The following TPRG1 variants were observed in gnomAD, a reference collection of about 807,000 sequenced individuals.
TPRG1 encodes the protein tumor protein p63 regulated 1.
In TPRG1, 29 loss-of-function variants were observed where a neutral mutation model predicts 29.3. That is an observed-to-expected ratio of 0.99 (90% CI 0.74 to 1.35). The LOEUF (loss-of-function observed/expected upper bound fraction) is 1.35. Ranked by LOEUF, TPRG1 falls within the 40% of genes most tolerant of loss-of-function variation. TPRG1 has a pLI of 0.00. For missense variants in TPRG1, 327 were observed against 335.0 expected (o/e 0.98, Z 0.19); for synonymous variants, 130 against 116.8 (o/e 1.11, Z -0.73).
intron 3 of TPRG1, among the ~76,000 whole-genome samples, chr3:189,133,365 T>C (rs1723327734): frequency 6.6e-6 from 1 of 152,172 alleles, no homozygotes; most frequent in South Asian, 2.1e-4. Flanking sequence ...AGAAGCCTCT[T>C]GCCACAGTTC....
chr3:189,191,208 A>T (rs1048524775), intron 1 of TPRG1, among the ~76,000 whole-genome samples: 1 of 152,194 alleles, frequency 6.6e-6, no homozygotes, highest in Non-Finnish European at 1.5e-5. Flanking sequence ...ATAAAGAGCT[A>T]TTTGTGACAG....
At chr3:189,136,228 G>T (rs1157054146) in intron 3 of TPRG1, among the ~76,000 whole-genome samples, 3 of 152,146 alleles carry the variant, frequency 2.0e-5, no homozygotes, top group Non-Finnish European at 4.4e-5. Context: ...GATTCCCTGT[G>T]TCCTGGTGGA....
rs1337462478 is a variant in TPRG1, at chr3:189,272,693, TTC to T, written c.479+33788_479+33789del. On this transcript the variant is annotated intron_variant, in intron 4 of 5. Coordinates refer to ENST00000345063, the MANE Select transcript of TPRG1 (RefSeq NM_198485.4). ...TCCTTCCTTTCTTTCCTTTCTTTCT[TTC>T]TCTTTCTTTCTTTCTTTCTCCTTCC... Among the ~76,000 whole-genome samples the T allele has an allele frequency of 6.1e-3, 852 of 138,672 alleles. 15 individuals are homozygous for T. The highest frequency in any genetic ancestry group is 0.021 in the African/African-American group (736 of 34,280). 91.0% of individuals were successfully genotyped at this position (138,672 alleles called of 152,430 possible). A position where few individuals can be genotyped will look rare whatever the true frequency, so the allele number is the denominator to read the frequency against.
chr3:189,096,922 A>C (rs917974221), upstream of TPRG1, among the ~76,000 whole-genome samples: 1 of 152,158 alleles, frequency 6.6e-6, no homozygotes, highest in Admixed American at 6.5e-5. Context: ...TTGCTACCAC[A>C]TCAAAACTTA....
chr3:189,242,415 A>AT (rs1282716707), intron 4 of TPRG1, among the ~76,000 whole-genome samples: 2 of 151,964 alleles, frequency 1.3e-5, no homozygotes, highest in African/African-American at 4.8e-5. Context: ...TGAAAGTCTT[A>AT]TTTTTATTAA....
chr3:189,124,500 C>A (rs745809466), intron 1 of TPRG1, among the ~76,000 whole-genome samples: 1 of 151,594 alleles, frequency 6.6e-6, no homozygotes. Flanking sequence ...TTTTGTTTCA[C>A]GTATACATAT....
At chr3:189,035,021 T>TA (rs1327038113) in intron 4 of TPRG1, among the ~76,000 whole-genome samples, 3 of 152,054 alleles carry the variant, frequency 2.0e-5, no homozygotes, top group African/African-American at 4.8e-5. Flanking sequence ...GGTATCAAAC[T>TA]AAAAAACTTC....
intron 5 of TPRG1, among the ~76,000 whole-genome samples, chr3:189,166,331 G>C (rs1409829015): frequency 6.6e-6 from 1 of 152,208 alleles, no homozygotes; most frequent in Non-Finnish European, 1.5e-5. Context: ...TTAGGTTCTA[G>C]AGTGTAATCT....
intron 4 of TPRG1, among the ~76,000 whole-genome samples, chr3:189,148,162 C>T (rs1012016995): frequency 6.6e-6 from 1 of 152,288 alleles, no homozygotes; most frequent in African/African-American, 2.4e-5. Context: ...TTTCTGCTCC[C>T]TCCTGATTGG....
intron 4 of TPRG1, among the ~76,000 whole-genome samples, chr3:189,280,415 A>G (rs1443404881): frequency 6.6e-6 from 1 of 152,214 alleles, no homozygotes; most frequent in African/African-American, 2.4e-5. Flanking sequence ...TATGAGTGTC[A>G]TGAATGAGAG....
chr3:189,164,616 AAT>A (rs1433516031), intron 5 of TPRG1, among the ~76,000 whole-genome samples: 1 of 129,786 alleles, frequency 7.7e-6, no homozygotes, highest in Non-Finnish European at 1.6e-5. Flanking sequence ...TAAAAAAAAA[AAT>A]AAAAGCTTCC....
At chr3:189,218,070 C>A (rs950468561) in intron 3 of TPRG1, 68 of 979,122 alleles carry the variant, frequency 6.9e-5, no homozygotes, top group African/African-American at 8.8e-5. Context: ...ATTATAGGAG[C>A]TGTAATATGG....
Position 189,321,088 on chromosome 3 carries a change from A to G in TPRG1, c.*268A>G, listed in dbSNP as rs192615424. The stretch of plus-strand genomic sequence containing the variant: ...AATACTGTTATCAAATGAGTGCCTG[A>G]TCATCAACTCAGGAAAGAAGACTCT... On this transcript the variant is annotated 3_prime_UTR_variant, in exon 6 of 6. Coordinates refer to ENST00000345063, the MANE Select transcript of TPRG1 (RefSeq NM_198485.4). 5 of 268,366 alleles carry G rather than the reference A, an allele frequency of 1.9e-5. No individual in the cohort carries two copies. The highest frequency in any genetic ancestry group is 1.6e-4 in the Admixed American group (3 of 18,792). 16.6% of individuals were successfully genotyped at this position (268,366 alleles called of 1,614,324 possible).
intron 1 of TPRG1, among the ~76,000 whole-genome samples, chr3:189,104,667 T>G (rs1488813307): frequency 1.3e-5 from 2 of 151,922 alleles, no homozygotes; most frequent in African/African-American, 4.8e-5. Flanking sequence ...ACTAGATCAA[T>G]GTCTACTGTT....
chr3:189,225,269 G>A (rs753289101), intron 3 of TPRG1, among the ~76,000 whole-genome samples: 1 of 152,202 alleles, frequency 6.6e-6, no homozygotes, highest in Non-Finnish European at 1.5e-5. Flanking sequence ...TCACCTTGGT[G>A]TCTTGAAATC....
chr3:189,238,759 A>G lies in TPRG1; in HGVS notation c.329A>G (p.Glu110Gly), dbSNP rs767740822. The G allele has an allele frequency of 6.2e-7, 1 of 1,613,020 alleles. No individual in the cohort carries two copies. The highest frequency in any genetic ancestry group is 1.7e-5 in the Admixed American group (1 of 59,906). ...TKIDHWNNEK[E>G]RILLVTDKTL... ...ATAGACCACTGGAACAATGAGAAGGAGAGAATTCTACTGGTCACAGACAAG... is the reference window on the plus strand; with the variant it reads ...ATAGACCACTGGAACAATGAGAAGGGGAGAATTCTACTGGTCACAGACAAG... Residue 110 changes from glutamate (E) to glycine (G), a missense_variant, in exon 4 of 6, where the codon GAG becomes GGG. Transcript: ENST00000345063.
chr3:189,274,374 A>G (rs1394736854), intron 4 of TPRG1, among the ~76,000 whole-genome samples: 1 of 151,722 alleles, frequency 6.6e-6, no homozygotes, highest in East Asian at 1.9e-4. Context: ...TTTTTCCTGG[A>G]TTGGGAAAAA....
At chr3:189,035,502 A>G (rs1714204850) in intron 4 of TPRG1, among the ~76,000 whole-genome samples, 1 of 152,190 alleles carries the variant, frequency 6.6e-6, no homozygotes. Flanking sequence ...CAGGCATCAT[A>G]CAGAATGGGA....
In TPRG1 at chr3:189,312,081, G is replaced by GTTTC. The variant is rs1220000280; in HGVS notation, c.633+1554_633+1557dup. On this transcript the variant is annotated intron_variant, in intron 5 of 5. Transcript: ENST00000345063. ...TTGTTAACAATGCAGAACACTTTAT[G>GTTTC]TTTCTTTCTTTCTTTGTTTCTTTGT... 3.3e-5 allele frequency among the ~76,000 whole-genome samples: 4 copies of GTTTC among 119,960 alleles called. 1 individual carries two copies. The highest frequency in any genetic ancestry group is 1.6e-4 in the African/African-American group (4 of 25,662). 78.7% of individuals were successfully genotyped at this position (119,960 alleles called of 152,430 possible).
Sources: gnomAD v4.1 joint callset for allele counts (sites outside exome capture counted in the v4.1 genomes callset) on GRCh38, gnomAD v4.1.1 for gene constraint, MANE v1.5 for transcripts, NCBI Gene and HGNC (gene_info 2026-07-23, HGNC 2026-07-21) for gene names.